The following EPN2 variants were observed in gnomAD, a reference collection of about 807,000 sequenced individuals.
EPN2 encodes the protein epsin-2.
Under a neutral mutation model 61.7 loss-of-function variants are expected in EPN2, and 34 were observed. That is an observed-to-expected ratio of 0.55 (90% CI 0.42 to 0.73). The LOEUF is 0.73. EPN2 is among the 30% of genes least tolerant of loss of function. EPN2 has a pLI of 0.00. For missense variants in EPN2, 714 were observed against 839.2 expected, an observed-to-expected ratio of 0.85 and a Z score of 1.84; for synonymous variants, 349 against 353.6, an observed-to-expected ratio of 0.99 and a Z score of 0.15.
intron 10 of EPN2, among the ~76,000 whole-genome samples, chr17:19,333,037 C>T (rs868269703): frequency 6.6e-6 from 1 of 152,238 alleles, no homozygotes; most frequent in Non-Finnish European, 1.5e-5. Context: ...TTACTGGGTC[C>T]TGGCCAACCC....
intron 7 of EPN2, among the ~76,000 whole-genome samples, chr17:19,327,739 A>G (rs1385858387): frequency 6.6e-6 from 1 of 152,162 alleles, no homozygotes; most frequent in East Asian, 1.9e-4. Context: ...GTGTGTGTGT[A>G]TTCAGAAAAT....
At chr17:19,329,053 A>G in intron 8 of EPN2, 166 bp downstream of exon 8, 1 of 603,142 alleles carries the variant, frequency 1.7e-6, no homozygotes. Context: ...CCCCAGTGTG[A>G]GAGTGAGTGA....
chr17:19,283,533 A>G lies in EPN2; in HGVS notation c.414A>G (p.Glu138=), dbSNP rs756716369. The G allele has an allele frequency of 3.1e-5, 50 of 1,614,124 alleles. No individual in the cohort carries two copies. Among genetic ancestry groups the G allele is most frequent in the Non-Finnish European group, 4.0e-5 (47 of 1,180,058 alleles). The part of the protein sequence containing the change: ...KQLVALLKDE[E]RLKAERAQAL... ...TGGTGGCTCTCCTCAAGGACGAGGAACGGTTGAAGGCTGAGAGGGCCCAGG... is the reference window on the plus strand; with the variant it reads ...TGGTGGCTCTCCTCAAGGACGAGGAGCGGTTGAAGGCTGAGAGGGCCCAGG... Residue 138 remains glutamate, a synonymous_variant, in exon 3 of 11, where the codon GAA becomes GAG. Transcript: ENST00000314728. The surrounding 1 kb of genome is among the most constrained non-coding windows in gnomAD (Gnocchi z 7.0).
chr17:19,329,475 C>G (rs1237736297), intron 8 of EPN2, 86 bp from the exon 9 acceptor site: 1 of 762,028 alleles, frequency 1.3e-6, no homozygotes, highest in Non-Finnish European at 2.2e-6. Context: ...CTGTTGCCAG[C>G]CCATCCTGAG....
At chr17:19,321,726 G>C (rs906301518) in intron 7 of EPN2, among the ~76,000 whole-genome samples, 1 of 152,178 alleles carries the variant, frequency 6.6e-6, no homozygotes, top group Non-Finnish European at 1.5e-5. Context: ...TCCAGGCACA[G>C]CTGGGCTGCT....
At chr17:19,243,756 C>T (rs1349803776) in intron 1 of EPN2, among the ~76,000 whole-genome samples, 1 of 152,126 alleles carries the variant, frequency 6.6e-6, no homozygotes, top group Admixed American at 6.5e-5. Flanking sequence ...CCAGACTGGT[C>T]TCAAACTCCT....
At chr17:19,247,490 TC>T (rs2044965882) in intron 1 of EPN2, among the ~76,000 whole-genome samples, 1 of 152,150 alleles carries the variant, frequency 6.6e-6, no homozygotes, top group Non-Finnish European at 1.5e-5. Context: ...AGAAACAGTA[TC>T]CCTAAGTGGA....
chr17:19,317,126 C>T (rs778392315), intron 7 of EPN2, among the ~76,000 whole-genome samples: 5 of 152,240 alleles, frequency 3.3e-5, no homozygotes, highest in Admixed American at 1.3e-4. Flanking sequence ...TAGCTGTGCC[C>T]TCTGGATGAA....
intron 1 of EPN2, among the ~76,000 whole-genome samples, chr17:19,242,255 A>G (rs1490666205): frequency 1.3e-5 from 2 of 152,078 alleles, no homozygotes; most frequent in Non-Finnish European, 2.9e-5. Context: ...TCTGGCCAGT[A>G]TGGCAAAACC....
intron 1 of EPN2, among the ~76,000 whole-genome samples, chr17:19,275,635 G>A (rs1434193786): frequency 1.3e-5 from 2 of 152,168 alleles, no homozygotes; most frequent in East Asian, 1.9e-4. Context: ...GAACTGTGGG[G>A]CTTTGATTGG....
intron 4 of EPN2, among the ~76,000 whole-genome samples, chr17:19,289,628 G>C (rs956743210): frequency 4.3e-4 from 66 of 152,144 alleles, no homozygotes; most frequent in Middle Eastern, 3.4e-3. Flanking sequence ...TCTGGAGTTG[G>C]GGGGAGAATT....
chr17:19,322,656 C>T (rs1441495923), intron 7 of EPN2, among the ~76,000 whole-genome samples: 4 of 151,656 alleles, frequency 2.6e-5, no homozygotes, highest in Non-Finnish European at 5.9e-5. Context: ...GGGAGGATCC[C>T]TTGAGCCTAG....
intron 1 of EPN2, among the ~76,000 whole-genome samples, chr17:19,278,318 C>T (rs1383106411): frequency 1.3e-5 from 2 of 152,086 alleles, no homozygotes; most frequent in African/African-American, 4.8e-5. Context: ...CTGATAAAGA[C>T]ATACCCGAGA....
chr17:19,308,645 C>G (rs1486387894), intron 4 of EPN2: 1 of 985,284 alleles, frequency 1.0e-6, no homozygotes, highest in Non-Finnish European at 1.2e-6. Flanking sequence ...GCACGGAGAC[C>G]CGGGAGGAGG....
At chr17:19,299,152 T>A (rs1168465104) in intron 4 of EPN2, among the ~76,000 whole-genome samples, 1 of 152,232 alleles carries the variant, frequency 6.6e-6, no homozygotes, top group African/African-American at 2.4e-5. Context: ...GCTATAATTT[T>A]GTAATCGATT....
At chr17:19,323,379 C>T (rs1397446395) in intron 7 of EPN2, among the ~76,000 whole-genome samples, 2 of 152,154 alleles carry the variant, frequency 1.3e-5, no homozygotes, top group African/African-American at 4.8e-5. Flanking sequence ...TTTGGAGTTT[C>T]AGAAGAGCTA....
At chr17:19,315,830 T>C (rs1906356779) in intron 7 of EPN2, among the ~76,000 whole-genome samples, 1 of 152,184 alleles carries the variant, frequency 6.6e-6, no homozygotes, top group Non-Finnish European at 1.5e-5. Flanking sequence ...TTTCAGCACA[T>C]TCACAATGTT....
chr17:19,325,903 AATT>A (rs542163312), intron 7 of EPN2, among the ~76,000 whole-genome samples: 1 of 152,220 alleles, frequency 6.6e-6, no homozygotes, highest in Admixed American at 6.5e-5. Context: ...AATGACTTCT[AATT>A]AACAGTTTGG....
chr17:19,258,070 T>C (rs2045101284), intron 1 of EPN2: 1 of 153,924 alleles, frequency 6.5e-6, no homozygotes, highest in African/African-American at 2.4e-5. Context: ...GGGAGAGGCT[T>C]TGCTGGACTT....
Sources: allele counts gnomAD v4.1 joint callset (sites outside exome capture counted in the v4.1 genomes callset), GRCh38; gene constraint gnomAD v4.1.1; non-coding constraint Gnocchi (gnomAD v3.1); transcripts MANE v1.5; gene names NCBI Gene and HGNC (gene_info 2026-07-23, HGNC 2026-07-21).